Variants in ZFHX3 observed in about 807,000 individuals in gnomAD.
ZFHX3 encodes the protein zinc finger homeobox protein 3.
In ZFHX3, 42 loss-of-function variants were observed where a neutral mutation model predicts 279.1. The observed-to-expected ratio is 0.15, with a 90% CI of 0.12 to 0.19. The LOEUF is 0.19. Among genes scored for constraint, ZFHX3 ranks in the 10% least tolerant of loss-of-function variants. The pLI is 1.00. For synonymous variants in ZFHX3, 2,293 were observed against 1,957.8 expected, an observed-to-expected ratio of 1.17 and a Z score of -4.52; for missense variants, 4,981 against 4,754.0, an observed-to-expected ratio of 1.05 and a Z score of -1.40.
chr16:73,174,476 G>A (rs1341793323), intron 5 of ZFHX3, among the ~76,000 whole-genome samples: 1 of 152,124 alleles, frequency 6.6e-6, no homozygotes, highest in Non-Finnish European at 1.5e-5. Flanking sequence ...GAAGGGGGCT[G>A]GTATTAGGTT....
chr16:72,794,935 G>T lies in ZFHX3; in HGVS notation c.7747C>A (p.Leu2583Ile). Residue 2583 changes from leucine to isoleucine, a missense_variant, in exon 9 of 10, where the codon CTC becomes ATC. Transcript: ENST00000268489. This position sits in a 1 kb window ranked among gnomAD's most constrained non-coding sequence, Gnocchi z 4.2. ...CCAGAGAGCAGCTGGCTGGCCAGGA[G>T]TGGGTTACTGGGATCAAAGAGCATG... ...PFMLFDPSNP[L>I]LASQLLSGAI... 6.2e-7 allele frequency: 1 copy of T among 1,614,170 alleles called. No individual in the cohort carries two copies.
At chr16:72,821,919 A>AT (rs2036802586) in intron 5 of ZFHX3, 3 of 152,232 alleles carry the variant, frequency 2.0e-5, no homozygotes, top group Middle Eastern at 6.8e-3. Flanking sequence ...AAACTTGTTT[A>AT]TTTTTTTGTT....
In ZFHX3 at chr16:73,111,087, C is replaced by T. The variant is rs1017375349; in HGVS notation, c.-896-17489G>A. 9.9e-5 allele frequency among the ~76,000 whole-genome samples: 15 copies of T among 152,084 alleles called. No individual in the cohort carries two copies. The East Asian group carries it at 2.1e-3, about 22-fold the overall frequency. On this transcript the variant is annotated intron_variant, in intron 7 of 17. Coordinates refer to the ZFHX3 transcript ENST00000641206. ...TCCTGAGTAGCTGGGAGTACAGGTG[C>T]GCACCACCACGCCCGGCTAATTTTT...
chr16:73,839,604 A>G, intron 1 of ZFHX3, among the ~76,000 whole-genome samples: 1 of 152,208 alleles, frequency 6.6e-6, no homozygotes, highest in Non-Finnish European at 1.5e-5. Context: ...GGGGATTTTA[A>G]GTGTCCATCT....
intron 1 of ZFHX3, among the ~76,000 whole-genome samples, chr16:73,047,433 G>A (rs1965337662): frequency 6.6e-6 from 1 of 152,154 alleles, no homozygotes. Flanking sequence ...TTAGGCGGAG[G>A]CACCCAAACT....
At chr16:73,527,860 T>C (rs748142263) in intron 2 of ZFHX3, among the ~76,000 whole-genome samples, 1 of 152,206 alleles carries the variant, frequency 6.6e-6, no homozygotes. Flanking sequence ...ACAGCCAACC[T>C]CTTGATAGCA....
chr16:73,214,530 C>T (rs1458333999), intron 5 of ZFHX3, among the ~76,000 whole-genome samples: 1 of 152,192 alleles, frequency 6.6e-6, no homozygotes, highest in Non-Finnish European at 1.5e-5. Flanking sequence ...GACCAGGATG[C>T]TCTCTGAGTC....
chr16:73,264,705 A>G (rs114017168), intron 4 of ZFHX3, among the ~76,000 whole-genome samples: 2,050 of 152,114 alleles, frequency 0.013, 53 homozygotes, highest in African/African-American at 0.047. Context: ...CAGTGAACCC[A>G]GTTTCTAGTC....
At chr16:73,130,056 G>A (rs1966649917) in intron 7 of ZFHX3, among the ~76,000 whole-genome samples, 9 of 152,078 alleles carry the variant, frequency 5.9e-5, no homozygotes, top group Admixed American at 5.9e-4. Flanking sequence ...TGTTTCTTAG[G>A]GCATGGACCT....
At chr16:73,422,945 G>C (rs1375758392) in intron 3 of ZFHX3, among the ~76,000 whole-genome samples, 4 of 152,158 alleles carry the variant, frequency 2.6e-5, no homozygotes, top group African/African-American at 9.7e-5. Context: ...CAAGGTGTTG[G>C]CAGGGTTGGT....
At chr16:73,888,885 G>T (rs1281360607) in intron 1 of ZFHX3, among the ~76,000 whole-genome samples, 1 of 133,494 alleles carries the variant, frequency 7.5e-6, no homozygotes, top group East Asian at 2.3e-4. Flanking sequence ...TTCCCCCAAC[G>T]CCCGCCCCCT....
intron 1 of ZFHX3, among the ~76,000 whole-genome samples, chr16:72,995,964 G>C (rs1963268768): frequency 6.6e-6 from 1 of 152,126 alleles, no homozygotes; most frequent in South Asian, 2.1e-4. Flanking sequence ...AATTATGAAG[G>C]CATATTCATA....
chr16:72,946,822 G>T (rs1043451741), intron 3 of ZFHX3, among the ~76,000 whole-genome samples: 1 of 152,220 alleles, frequency 6.6e-6, no homozygotes. Context: ...TGGGGCCAGG[G>T]TGTAGTCCTC....
At chr16:73,221,827 AAAAAT>A (rs2012430908) in intron 5 of ZFHX3, among the ~76,000 whole-genome samples, 1 of 152,180 alleles carries the variant, frequency 6.6e-6, no homozygotes, top group African/African-American at 2.4e-5. Context: ...ACATTCTTAA[AAAAAT>A]AAAAATGAAA....
intron 3 of ZFHX3, among the ~76,000 whole-genome samples, chr16:73,389,432 GT>G (rs2016966618): frequency 6.6e-6 from 1 of 152,220 alleles, no homozygotes; most frequent in Non-Finnish European, 1.5e-5. Flanking sequence ...CTTAAAAATT[GT>G]CAAAAGGTCT....
intron 2 of ZFHX3, among the ~76,000 whole-genome samples, chr16:73,670,490 A>G (rs901789003): frequency 6.6e-6 from 1 of 152,224 alleles, no homozygotes; most frequent in Non-Finnish European, 1.5e-5. Flanking sequence ...AAAGTCATCA[A>G]TCGACTACTT....
At chr16:72,949,868 T>C (rs1960892168) in intron 3 of ZFHX3, among the ~76,000 whole-genome samples, 1 of 150,594 alleles carries the variant, frequency 6.6e-6, no homozygotes, top group African/African-American at 2.4e-5. Context: ...ACCCATCTCC[T>C]GCTAAAAGAA....
chr16:72,868,715 T>TA (rs1301543560), intron 4 of ZFHX3, among the ~76,000 whole-genome samples: 1 of 152,236 alleles, frequency 6.6e-6, no homozygotes, highest in African/African-American at 2.4e-5. Context: ...CTTCTCCTGT[T>TA]AGACAGTGAG....
intron 4 of ZFHX3, among the ~76,000 whole-genome samples, chr16:73,294,985 G>C (rs754706182): frequency 9.2e-5 from 14 of 152,070 alleles, no homozygotes; most frequent in Middle Eastern, 3.4e-3. Context: ...AGGCCGAGAC[G>C]GGCGGATCAC....
Sources: gnomAD v4.1 joint callset for allele counts (sites outside exome capture counted in the v4.1 genomes callset) on GRCh38, gnomAD v4.1.1 for gene constraint, Gnocchi (gnomAD v3.1) non-coding constraint, MANE v1.5 for transcripts, NCBI Gene and HGNC (gene_info 2026-07-23, HGNC 2026-07-21) for gene names.